Variants in NCS1 observed in about 807,000 individuals in gnomAD.
NCS1 encodes frequenin homolog.
In NCS1, 6 loss-of-function variants were observed where a neutral mutation model predicts 28.4. The observed-to-expected ratio is 0.21, with a 90% CI of 0.12 to 0.42. NCS1 has a LOEUF of 0.42. NCS1 is among the 10% of genes least tolerant of loss of function. The pLI is 1.00. For synonymous variants in NCS1, 86 were observed against 99.3 expected (o/e 0.87, Z 0.79); for missense variants, 131 against 241.4 (o/e 0.54, Z 3.03).
In NCS1 at chr9:130,217,964, A is replaced by G; in HGVS notation, c.222A>G (p.Glu74=). The G allele has an allele frequency of 6.2e-7, 1 of 1,614,162 alleles. No individual in the cohort carries two copies. Among genetic ancestry groups the G allele is most frequent in the Non-Finnish European group, 8.5e-7 (1 of 1,180,028 alleles). ...CATTTGTTTTCAACGTCTTTGATGA[A>G]AACAAGGTGAGCTGGGGATTGATGG... ...FATFVFNVFD[E]NKDGRIEFSE... is the part of the protein sequence containing the mutation. Residue 74 remains glutamate, a synonymous_variant, in exon 3 of 8, where the codon GAA becomes GAG. Transcript: ENST00000372398.
At chr9:130,206,403 CTT>C (rs71387330) in intron 2 of NCS1, among the ~76,000 whole-genome samples, 54,989 of 115,892 alleles carry the variant, frequency 0.47, 12,964 homozygotes, top group East Asian at 0.82. Flanking sequence ...TTCTTTCTTT[CTT>C]TTTTTTTTTT....
intron 2 of NCS1, among the ~76,000 whole-genome samples, chr9:130,202,584 T>G (rs7031796): frequency 2.0e-5 from 3 of 150,542 alleles, no homozygotes; most frequent in Non-Finnish European, 4.4e-5. Context: ...TCCATGTTTT[T>G]TTTTTTTTTT....
intron 1 of NCS1, among the ~76,000 whole-genome samples, chr9:130,189,858 C>CAAAAAAAAAAAAAA (rs869189538): frequency 4.6e-5 from 2 of 43,122 alleles, no homozygotes; most frequent in African/African-American, 1.7e-4. Flanking sequence ...GACTCCATCT[C>CAAAAAAAAAAAAAA]AAAAAAAAAA....
Position 130,208,024 on chromosome 9 carries a change from C to T in NCS1, c.89+7042C>T, listed in dbSNP as rs374283498. Among the ~76,000 whole-genome samples the T allele has an allele frequency of 1.3e-3, 194 of 152,254 alleles. 1 individual carries two copies. The highest frequency in any genetic ancestry group is 4.5e-3 in the African/African-American group (187 of 41,542). On this transcript the variant is annotated intron_variant, in intron 2 of 7. Coordinates refer to ENST00000372398, the MANE Select transcript of NCS1 (RefSeq NM_014286.4). ...GGAAGATCAGGAACCACAATGAGGG[C>T]TGCTTAAGAAATGGCAGATCCCAGG...
intron 3 of NCS1, among the ~76,000 whole-genome samples, chr9:130,218,484 T>C (rs1833222150): frequency 6.6e-6 from 1 of 152,246 alleles, no homozygotes; most frequent in African/African-American, 2.4e-5. Context: ...ATGTACACCC[T>C]GACACTTCTC....
intron 1 of NCS1, among the ~76,000 whole-genome samples, chr9:130,195,313 C>G (rs1020565200): frequency 6.6e-6 from 1 of 152,200 alleles, no homozygotes; most frequent in African/African-American, 2.4e-5. Flanking sequence ...CTTGGTCAGA[C>G]CCCCGTTGGC....
intron 1 of NCS1, among the ~76,000 whole-genome samples, chr9:130,194,466 G>A (rs371702213): frequency 1.7e-4 from 25 of 150,502 alleles, no homozygotes; most frequent in African/African-American, 5.4e-4. Context: ...CTCCCCTTCT[G>A]CAGCTCTGGC....
rs1554913181 is a variant in NCS1 at position 130,236,588 on chromosome 9, G to C, written c.*3616G>C. ...TTAATATCTGCGGAATAAACCCAAT[G>C]GTTAATTTTTGAATGAATAAAAGGC... On this transcript the variant is annotated 3_prime_UTR_variant, in exon 8 of 8. Coordinates refer to ENST00000372398, the MANE Select transcript of NCS1 (RefSeq NM_014286.4). The C allele has an allele frequency of 6.7e-6, 1 of 149,332 alleles. No homozygotes were observed. The highest frequency in any genetic ancestry group is 1.5e-5 in the Non-Finnish European group (1 of 67,538). 9.3% of individuals were successfully genotyped at this position (149,332 alleles called of 1,614,324 possible).
intron 4 of NCS1, among the ~76,000 whole-genome samples, chr9:130,221,395 T>TAG (rs1833290163): frequency 1.5e-4 from 10 of 64,910 alleles, no homozygotes; most frequent in Middle Eastern, 8.8e-3. Flanking sequence ...TATATATATA[T>TAG]ATATATATAT....
At position 130,218,119 on chromosome 9, in the gene NCS1, C is replaced by A. The variant is rs782345281; in HGVS notation, c.228+149C>A. 2.1e-5 allele frequency: 22 copies of A among 1,037,294 alleles called. No individual in the cohort carries two copies. In the African/African-American group the frequency reaches 2.5e-4, roughly 12 times the overall value. The allele number at this position is 1,037,294 out of a possible 1,614,324, so 64.3% of individuals were successfully genotyped here. Reference sequence around the variant, plus strand: ...ATACTGACATGCACAGATACATAGTCGCACATAAATGCATGCACATGTACA... The same window carrying A: ...ATACTGACATGCACAGATACATAGTAGCACATAAATGCATGCACATGTACA... On this transcript the variant is annotated intron_variant, in intron 3 of 7. Transcript: ENST00000372398.
intron 1 of NCS1, among the ~76,000 whole-genome samples, chr9:130,182,379 G>A (rs1306666802): frequency 6.6e-6 from 1 of 152,202 alleles, no homozygotes; most frequent in Non-Finnish European, 1.5e-5. Context: ...CAGTCCCTGG[G>A]AGCATCCAAG....
chr9:130,180,559 G>T lies in NCS1; in HGVS notation c.64+7832G>T, dbSNP rs1554905077. On this transcript the variant is annotated intron_variant, in intron 1 of 7. Coordinates refer to ENST00000372398, the MANE Select transcript of NCS1 (RefSeq NM_014286.4). The surrounding 1 kb of genome is among the most constrained non-coding windows in gnomAD (Gnocchi z 4.5). The stretch of plus-strand genomic sequence containing the variant: ...CGTTTCTAGGTAACTTGAGATTGGG[G>T]TCATATTCTGACCAAGGGCAGAACG... 6.6e-6 allele frequency among the ~76,000 whole-genome samples: 1 copy of T among 152,148 alleles called. No individual in the cohort carries two copies. Among genetic ancestry groups the T allele is most frequent in the African/African-American group, 2.4e-5 (1 of 41,412 alleles).
rs1229246522 is a variant in NCS1 at position 130,209,358 on chromosome 9, G to C, written c.89+8376G>C. 6.6e-6 allele frequency among the ~76,000 whole-genome samples: 1 copy of C among 152,200 alleles called. No homozygotes were observed. Among genetic ancestry groups the C allele is most frequent in the Non-Finnish European group, 1.5e-5 (1 of 68,042 alleles). The stretch of plus-strand genomic sequence containing the variant: ...TGGCAAATTCGGGGGAAGTCCTAGA[G>C]GACCGGGGCGTTTGGGAGACTGAGG... On this transcript the variant is annotated intron_variant, in intron 2 of 7. Transcript: ENST00000372398. The surrounding 1 kb of genome is among the most constrained non-coding windows in gnomAD (Gnocchi z 4.4).
intron 2 of NCS1, among the ~76,000 whole-genome samples, chr9:130,203,066 G>GCA (rs1832976558): frequency 6.6e-6 from 1 of 151,250 alleles, no homozygotes; most frequent in Non-Finnish European, 1.5e-5. Context: ...GTGTGTGTGT[G>GCA]TGTGTGTGTG....
At chr9:130,203,709 G>A (rs543014585) in intron 2 of NCS1, among the ~76,000 whole-genome samples, 1 of 152,324 alleles carries the variant, frequency 6.6e-6, no homozygotes, top group African/African-American at 2.4e-5. Flanking sequence ...GACGAGGTTT[G>A]TGTTTGAGAG....
intron 1 of NCS1, among the ~76,000 whole-genome samples, chr9:130,179,505 CT>C (rs1832625820): frequency 6.6e-6 from 1 of 152,158 alleles, no homozygotes. Context: ...TTGCACTTAT[CT>C]TTTCTTGAAG....
chr9:130,174,052 A>C (rs1309738580), intron 1 of NCS1, among the ~76,000 whole-genome samples: 1 of 152,224 alleles, frequency 6.6e-6, no homozygotes, highest in African/African-American at 2.4e-5. Flanking sequence ...CCCTGGGCAC[A>C]GGGGCTGTTC....
chr9:130,184,971 CA>C (rs781980341), intron 1 of NCS1, among the ~76,000 whole-genome samples: 234 of 136,074 alleles, frequency 1.7e-3, no homozygotes, highest in African/African-American at 2.2e-3. Flanking sequence ...GACTCCGTCT[CA>C]AAAAAAAAAA....
At chr9:130,204,284 T>G (rs139531475) in intron 2 of NCS1, among the ~76,000 whole-genome samples, 4 of 152,066 alleles carry the variant, frequency 2.6e-5, no homozygotes, top group African/African-American at 7.2e-5. Flanking sequence ...TATATTTAAA[T>G]TATTATTAAT....
Sources: allele counts gnomAD v4.1 joint callset (sites outside exome capture counted in the v4.1 genomes callset), GRCh38; gene constraint gnomAD v4.1.1; non-coding constraint Gnocchi (gnomAD v3.1); transcripts MANE v1.5; gene names NCBI Gene and HGNC (gene_info 2026-07-23, HGNC 2026-07-21).